The following SYCP1 variants were observed in gnomAD, a reference collection of about 807,000 sequenced individuals.
SYCP1 encodes cancer/testis antigen 8.
Under a neutral mutation model 153.1 loss-of-function variants are expected in SYCP1, and 64 were observed. The ratio of observed to expected loss-of-function variants is 0.42; its 90% CI spans 0.34 to 0.51. The LOEUF is 0.51. Ranked by LOEUF, SYCP1 falls within the 20% of genes least tolerant of loss-of-function variation. The pLI is 0.06. For synonymous variants in SYCP1, 384 were observed against 341.8 expected (o/e 1.12, Z -1.36); for missense variants, 997 against 1,049.0 (o/e 0.95, Z 0.68).
At chr1:114,922,030 C>T (rs1329168727) in intron 20 of SYCP1, among the ~76,000 whole-genome samples, 2 of 152,064 alleles carry the variant, frequency 1.3e-5, no homozygotes, top group African/African-American at 4.8e-5. Context: ...TTATTTATTT[C>T]TTTTCTCTTG....
chr1:114,856,920 A>C (rs6689445), intron 3 of SYCP1, among the ~76,000 whole-genome samples: 1 of 134,362 alleles, frequency 7.4e-6, no homozygotes, highest in African/African-American at 2.8e-5. Flanking sequence ...CCCTGTCTGT[A>C]CAAAAAAAAA....
At chr1:114,941,622 T>C (rs538360128) in intron 23 of SYCP1, among the ~76,000 whole-genome samples, 1 of 152,242 alleles carries the variant, frequency 6.6e-6, no homozygotes, top group East Asian at 1.9e-4. Flanking sequence ...TGTTGTCATG[T>C]ACTTTGATGA....
chr1:114,876,811 G>T lies in SYCP1; in HGVS notation c.801+1G>T. On this transcript the variant is annotated splice_donor_variant, in intron 11 of 31. Coordinates refer to ENST00000369522, the MANE Select transcript of SYCP1 (RefSeq NM_003176.4). LOFTEE classifies it high-confidence loss of function. ...GGAAATAAATGACAAGGAAAAGCAG[G>T]TTTTTTAAAAAACCAACTCTTTGTA... 7.2e-7 allele frequency: 1 copy of T among 1,380,566 alleles called. No individual in the cohort carries two copies. The allele number at this position is 1,380,566 out of a possible 1,614,324, so 85.5% of individuals were successfully genotyped here.
At chr1:114,993,260 A>C (rs1674047117) in intron 30 of SYCP1, among the ~76,000 whole-genome samples, 1 of 151,534 alleles carries the variant, frequency 6.6e-6, no homozygotes, top group Non-Finnish European at 1.5e-5. Flanking sequence ...TAGCTCTATG[A>C]CTTATTTATT....
rs116466655 is a variant in SYCP1, at chr1:114,979,053, G to C, written c.2382+1437G>C. 7.5e-3 allele frequency among the ~76,000 whole-genome samples: 1,135 copies of C among 151,164 alleles called. 5 individuals carry two copies. The highest frequency in any genetic ancestry group is 0.014 in the Non-Finnish European group (913 of 67,598). On this transcript the variant is annotated intron_variant, in intron 28 of 31. Transcript: ENST00000369522. The stretch of plus-strand genomic sequence containing the variant: ...AGCAAATGCCATATATTTTATCTGA[G>C]AGTCTAGATATATATGTTGGAAAAT...
chr1:114,914,064 C>T lies in SYCP1; in HGVS notation c.1718+19C>T, dbSNP rs749605220. On this transcript the variant is annotated intron_variant, in intron 20 of 31. Coordinates refer to ENST00000369522, the MANE Select transcript of SYCP1 (RefSeq NM_003176.4). Reference sequence around the variant, plus strand: ...AATTAAGGCAAGACTAACAAATTGGCCTTTTTTTGTCTGGCAAAAGATTTT... The same window carrying T: ...AATTAAGGCAAGACTAACAAATTGGTCTTTTTTTGTCTGGCAAAAGATTTT... 1.3e-6 allele frequency: 2 copies of T among 1,513,344 alleles called. No individual in the cohort carries two copies. Among genetic ancestry groups the T allele is most frequent in the Non-Finnish European group, 1.8e-6 (2 of 1,133,108 alleles). The allele number at this position is 1,513,344 out of a possible 1,614,324, so 93.7% of individuals were successfully genotyped here.
At chr1:114,979,144 T>C (rs1018151044) in intron 28 of SYCP1, among the ~76,000 whole-genome samples, 2 of 151,530 alleles carry the variant, frequency 1.3e-5, no homozygotes, top group Non-Finnish European at 3.0e-5. Context: ...GCTTTTTTTT[T>C]TTTTGCTGTG....
chr1:114,933,929 G>C (rs934514261), intron 23 of SYCP1, among the ~76,000 whole-genome samples: 2 of 151,946 alleles, frequency 1.3e-5, no homozygotes, highest in Admixed American at 1.3e-4. Flanking sequence ...CCAAATCTAC[G>C]TCTGATTGGT....
intron 20 of SYCP1, among the ~76,000 whole-genome samples, chr1:114,922,917 A>C (rs1668991335): frequency 6.6e-6 from 1 of 152,206 alleles, no homozygotes; most frequent in Admixed American, 6.5e-5. Context: ...AAAATGGAGA[A>C]ATCAGCCAGA....
intron 30 of SYCP1, among the ~76,000 whole-genome samples, chr1:114,990,008 A>G (rs1273741119): frequency 1.3e-5 from 2 of 151,950 alleles, no homozygotes; most frequent in Non-Finnish European, 2.9e-5. Flanking sequence ...TAGGTCTAAC[A>G]GACATGTATA....
chr1:114,939,951 T>A (rs1363173353), intron 23 of SYCP1, among the ~76,000 whole-genome samples: 1 of 152,222 alleles, frequency 6.6e-6, no homozygotes, highest in Non-Finnish European at 1.5e-5. Flanking sequence ...ATCCAGTTCA[T>A]CTACATTTTC....
chr1:114,932,005 A>C (rs1161417360), intron 23 of SYCP1, among the ~76,000 whole-genome samples: 1 of 152,218 alleles, frequency 6.6e-6, no homozygotes, highest in Non-Finnish European at 1.5e-5. Context: ...CCAGATATTC[A>C]TATGGGAAAG....
At chr1:114,869,853 G>C (rs1164280262) in intron 8 of SYCP1, among the ~76,000 whole-genome samples, 2 of 152,156 alleles carry the variant, frequency 1.3e-5, no homozygotes, top group Non-Finnish European at 2.9e-5. Context: ...ATTTCTGATA[G>C]AGATGTTGAA....
intron 27 of SYCP1, among the ~76,000 whole-genome samples, chr1:114,970,175 G>A (rs1672389538): frequency 6.6e-6 from 1 of 152,114 alleles, no homozygotes; most frequent in Admixed American, 6.5e-5. Context: ...GAGCTCTAAA[G>A]TCTTTTCCTT....
chr1:114,977,611 G>C lies in SYCP1; in HGVS notation c.2377G>C (p.Asp793His), dbSNP rs1008461613. The change falls in exon 28 of 32, where the codon GAC becomes CAC. Residue 793 changes from aspartate (D) to histidine (H), a missense_variant. This residue lies in a region of SYCP1 where 712 missense variants were observed against 682.9 expected (regional missense o/e 1.04). Transcript: ENST00000369522. Reference sequence around the variant, plus strand: ...CACAGCTACTCTTAAAGAAAAAAAAGACAAGGTAAGAGCATATAATTCTCA... The same window carrying C: ...CACAGCTACTCTTAAAGAAAAAAAACACAAGGTAAGAGCATATAATTCTCA... ...ENTATLKEKK[D>H]KKTQTFLLET... The C allele has an allele frequency of 2.7e-6, 4 of 1,497,816 alleles. No homozygotes were observed. In the African/African-American group the frequency reaches 5.7e-5, roughly 21 times the overall value. 92.8% of individuals were successfully genotyped at this position (1,497,816 alleles called of 1,614,324 possible).
At position 114,857,507 on chromosome 1, in the gene SYCP1, T is replaced by C; in HGVS notation, c.291+10T>C. On this transcript the variant is annotated intron_variant, in intron 5 of 31. Transcript: ENST00000369522. The stretch of plus-strand genomic sequence containing the variant: ...AGACTCTGATTTGGAGGTCAGAAGA[T>C]TTCCCATTCATATTAAATTTCTTGT... 1 of 1,581,510 alleles carries C rather than the reference T, an allele frequency of 6.3e-7. No individual in the cohort carries two copies. Among genetic ancestry groups the C allele is most frequent in the Non-Finnish European group, 8.6e-7 (1 of 1,162,608 alleles).
chr1:114,992,082 A>G (rs1018461107), intron 30 of SYCP1, among the ~76,000 whole-genome samples: 2 of 151,814 alleles, frequency 1.3e-5, no homozygotes, highest in African/African-American at 4.8e-5. Flanking sequence ...AATACTTAGG[A>G]ACAAATCTAA....
intron 27 of SYCP1, among the ~76,000 whole-genome samples, chr1:114,948,726 A>G (rs1175194658): frequency 6.6e-6 from 1 of 152,172 alleles, no homozygotes. Flanking sequence ...ATCTGAGTAC[A>G]GGGCTTTGAA....
At chr1:114,967,422 TGTAATG>T in intron 27 of SYCP1, among the ~76,000 whole-genome samples, 1 of 152,372 alleles carries the variant, frequency 6.6e-6, no homozygotes, top group Non-Finnish European at 1.5e-5. Flanking sequence ...TTTACCATTA[TGTAATG>T]CCCTTCTTTG....
Sources: gnomAD v4.1 joint callset for allele counts (sites outside exome capture counted in the v4.1 genomes callset) on GRCh38, gnomAD v4.1.1 for gene constraint, gnomAD v4.1.1 regional missense constraint, MANE v1.5 for transcripts, NCBI Gene and HGNC (gene_info 2026-07-23, HGNC 2026-07-21) for gene names.